FAM13A: variants seen among roughly 807,000 people sequenced by gnomAD.
The protein encoded by FAM13A is protein FAM13A.
Under a neutral mutation model 129.6 loss-of-function variants are expected in FAM13A, and 76 were observed. The observed-to-expected ratio is 0.59, with a 90% CI of 0.49 to 0.71. The LOEUF (loss-of-function observed/expected upper bound fraction) is 0.71, where lower values mean the gene tolerates loss of function less well. Among genes scored for constraint, FAM13A ranks in the 30% least tolerant of loss-of-function variants. FAM13A has a pLI of 0.00. For synonymous variants in FAM13A, 443 were observed against 449.9 expected (o/e 0.98, Z 0.20); for missense variants, 1,108 against 1,249.3 (o/e 0.89, Z 1.70).
chr4:88,762,529 G>A (rs926429281), intron 13 of FAM13A, among the ~76,000 whole-genome samples: 5 of 152,092 alleles, frequency 3.3e-5, no homozygotes, highest in Non-Finnish European at 5.9e-5. Flanking sequence ...TGGCCCTGCT[G>A]GTCTATGATG....
At chr4:89,001,236 C>T (rs1764208200) in intron 3 of FAM13A, among the ~76,000 whole-genome samples, 1 of 152,222 alleles carries the variant, frequency 6.6e-6, no homozygotes, top group African/African-American at 2.4e-5. Flanking sequence ...AATTGGAACA[C>T]TGCCAAAATG....
At chr4:88,852,428 C>T (rs1159966710) in intron 6 of FAM13A, among the ~76,000 whole-genome samples, 1 of 152,174 alleles carries the variant, frequency 6.6e-6, no homozygotes, top group Non-Finnish European at 1.5e-5. Flanking sequence ...TCCCAAAGTG[C>T]TGGGATTACA....
rs1721836581 is a variant in FAM13A, at chr4:88,776,903, G to A, written c.1458+4262C>T. 6.6e-5 allele frequency among the ~76,000 whole-genome samples: 10 copies of A among 152,138 alleles called. No individual in the cohort carries two copies. In the South Asian group the frequency reaches 2.1e-3, roughly 32 times the overall value. ...GCAGGAGAATCACTTGAACCCGGGA[G>A]GGGGAGGTTGCAGTGAGCTGAGATC... is the stretch of plus-strand genomic sequence containing the variant. On this transcript the variant is annotated intron_variant, in intron 11 of 23. Transcript: ENST00000264344.
At chr4:88,758,335 AAGG>A (rs1191852776) in intron 14 of FAM13A, among the ~76,000 whole-genome samples, 2 of 152,266 alleles carry the variant, frequency 1.3e-5, no homozygotes, top group Admixed American at 6.5e-5. Context: ...CCAAAACGGG[AAGG>A]AGATTTCATG....
At chr4:88,786,798 T>C (rs1278361732) in intron 10 of FAM13A, among the ~76,000 whole-genome samples, 1 of 152,246 alleles carries the variant, frequency 6.6e-6, no homozygotes, top group East Asian at 1.9e-4. Flanking sequence ...TTTTTCTTTT[T>C]CCATAAAGGG....
intron 3 of FAM13A, among the ~76,000 whole-genome samples, chr4:89,018,878 CT>C (rs1766875624): frequency 6.6e-6 from 1 of 152,234 alleles, no homozygotes; most frequent in South Asian, 2.1e-4. Context: ...AGGGCTCTGC[CT>C]TGTGACTGAC....
intron 21 of FAM13A, chr4:88,732,431 AC>A: frequency 2.7e-6 from 1 of 376,012 alleles, no homozygotes; most frequent in Non-Finnish European, 4.7e-6. Context: ...AGACTGCAAA[AC>A]TATTTTAAAA....
chr4:88,836,565 C>A (rs1354229283), intron 7 of FAM13A, among the ~76,000 whole-genome samples: 1 of 152,174 alleles, frequency 6.6e-6, no homozygotes, highest in Non-Finnish European at 1.5e-5. Context: ...ATATGAGAAT[C>A]CAGCTGTCTT....
intron 7 of FAM13A, among the ~76,000 whole-genome samples, chr4:88,825,392 T>C (rs1260863777): frequency 6.6e-6 from 1 of 151,192 alleles, no homozygotes; most frequent in African/African-American, 2.4e-5. Flanking sequence ...AATTTTTGTA[T>C]TTTTAGTAGA....
intron 21 of FAM13A, among the ~76,000 whole-genome samples, chr4:88,734,692 G>A (rs899131249): frequency 6.6e-6 from 1 of 152,300 alleles, no homozygotes; most frequent in East Asian, 1.9e-4. Flanking sequence ...AAGGGGTGGT[G>A]GTGCCACACT....
chr4:88,984,424 A>G (rs1321754583), intron 4 of FAM13A, among the ~76,000 whole-genome samples: 3 of 152,190 alleles, frequency 2.0e-5, no homozygotes, highest in African/African-American at 7.2e-5. Context: ...AAAGTATATA[A>G]ACAACTCTTA....
At chr4:89,045,959 G>A (rs1172400010) in intron 1 of FAM13A, among the ~76,000 whole-genome samples, 1 of 151,120 alleles carries the variant, frequency 6.6e-6, no homozygotes, top group African/African-American at 2.4e-5. Flanking sequence ...GGGAGGCGGA[G>A]GTTGCAGTGA....
At chr4:88,892,613 A>C in intron 6 of FAM13A, among the ~76,000 whole-genome samples, 1 of 152,208 alleles carries the variant, frequency 6.6e-6, no homozygotes, top group East Asian at 1.9e-4. Context: ...TGTGTCTGGC[A>C]TTCTAAAATA....
intron 11 of FAM13A, among the ~76,000 whole-genome samples, chr4:88,775,954 A>C (rs1014315927): frequency 1.3e-5 from 2 of 152,232 alleles, no homozygotes; most frequent in African/African-American, 4.8e-5. Flanking sequence ...ATAGCTATGA[A>C]GTGAGATAGT....
intron 3 of FAM13A, among the ~76,000 whole-genome samples, chr4:89,011,004 C>G (rs1266259984): frequency 1.3e-5 from 2 of 151,998 alleles, no homozygotes; most frequent in African/African-American, 4.8e-5. Context: ...CCTGCCACCA[C>G]GCCTGGCTAA....
chr4:88,949,885 A>C (rs991100044), intron 4 of FAM13A, among the ~76,000 whole-genome samples: 1 of 152,232 alleles, frequency 6.6e-6, no homozygotes, highest in African/African-American at 2.4e-5. Flanking sequence ...TCTCAAAAGC[A>C]CTACAGAACA....
intron 5 of FAM13A, among the ~76,000 whole-genome samples, chr4:88,917,575 C>A (rs1420192661): frequency 6.6e-6 from 1 of 152,160 alleles, no homozygotes; most frequent in Non-Finnish European, 1.5e-5. Context: ...CCATCCAATA[C>A]CTTTCAACCC....
At position 89,020,633 on chromosome 4, in the gene FAM13A, T is replaced by C. The variant is rs775094463; in HGVS notation, c.254A>G (p.Asn85Ser). Residue 85 changes from asparagine (N) to serine (S), a missense_variant, in exon 3 of 24, where the codon AAC becomes AGC. Physicochemically the swap from Asn to Ser is conservative, Grantham distance 46. Coordinates refer to ENST00000264344, the MANE Select transcript of FAM13A (RefSeq NM_014883.4). ...TQEGLFRVNG[N>S]VKVVEQLRLK... ...TCGAAGTTGTTCCACCACCTTCACG[T>C]TACCATTCACCCTAAAAAGACCTTC... 1.3e-5 allele frequency: 21 copies of C among 1,614,026 alleles called. No homozygotes were observed. The highest frequency in any genetic ancestry group is 8.3e-5 in the Admixed American group (5 of 59,994).
At chr4:88,914,853 T>C (rs1749820308) in intron 5 of FAM13A, among the ~76,000 whole-genome samples, 1 of 152,236 alleles carries the variant, frequency 6.6e-6, no homozygotes, top group South Asian at 2.1e-4. Context: ...CTTTTAGCAT[T>C]AATTTCCAAC....
Sources: gnomAD v4.1 joint callset for allele counts (sites outside exome capture counted in the v4.1 genomes callset) on GRCh38, gnomAD v4.1.1 for gene constraint, MANE v1.5 for transcripts, NCBI Gene and HGNC (gene_info 2026-07-23, HGNC 2026-07-21) for gene names.